The following PITPNC1 variants were observed in gnomAD, a reference collection of about 807,000 sequenced individuals.
PITPNC1 encodes cytoplasmic phosphatidylinositol transfer protein 1.
A neutral mutation model predicts 44.7 loss-of-function variants in PITPNC1; 18 were observed. The ratio of observed to expected loss-of-function variants is 0.40; its 90% CI spans 0.28 to 0.60. The LOEUF is 0.60. PITPNC1 is among the 20% of genes least tolerant of loss of function. The pLI, the probability that PITPNC1 is intolerant of heterozygous loss-of-function variation, is 0.39. For missense variants in PITPNC1, 290 were observed against 418.4 expected (o/e 0.69, Z 2.68); for synonymous variants, 141 against 149.6 (o/e 0.94, Z 0.42).
chr17:67,378,051 G>A lies in PITPNC1; in HGVS notation c.-104G>A. ...GGGGGCTGCTTCGCCCTCCGGCTCC[G>A]AGCGCCGGGCTCCGGGCGCCCTGCC... On this transcript the variant is annotated 5_prime_UTR_variant, in exon 1 of 9. Coordinates refer to ENST00000581322, the MANE Select transcript of PITPNC1 (RefSeq NM_012417.4). The A allele has an allele frequency of 1.6e-6, 1 of 619,038 alleles. No homozygotes were observed. Among genetic ancestry groups the A allele is most frequent in the South Asian group, 3.0e-5 (1 of 33,796 alleles). 38.3% of individuals were successfully genotyped at this position (619,038 alleles called of 1,614,324 possible).
intron 8 of PITPNC1, among the ~76,000 whole-genome samples, chr17:67,688,037 T>TAA (rs67788348): frequency 0.011 from 1,516 of 137,600 alleles, 13 homozygotes; most frequent in East Asian, 0.026. Context: ...TAGTAGGTGT[T>TAA]AAAAAAAAAA....
intron 1 of PITPNC1, among the ~76,000 whole-genome samples, chr17:67,505,755 G>T (rs1225598677): frequency 6.6e-6 from 1 of 152,136 alleles, no homozygotes; most frequent in South Asian, 2.1e-4. Context: ...GATTACAGAC[G>T]TGAGCCACCG....
chr17:67,635,223 C>T (rs970403438), intron 6 of PITPNC1, among the ~76,000 whole-genome samples: 3 of 152,116 alleles, frequency 2.0e-5, no homozygotes, highest in African/African-American at 4.8e-5. Flanking sequence ...TTTATATTGT[C>T]GGTTACTTAG....
chr17:67,593,712 CTTGATA>C (rs1373842768), intron 5 of PITPNC1, among the ~76,000 whole-genome samples: 1 of 152,052 alleles, frequency 6.6e-6, no homozygotes, highest in Non-Finnish European at 1.5e-5. Context: ...TTTTTATATT[CTTGATA>C]TTGATCTTTT....
chr17:67,379,295 A>AGGG (rs2037922162), intron 1 of PITPNC1: 6 of 985,238 alleles, frequency 6.1e-6, no homozygotes, highest in Non-Finnish European at 7.2e-6. Flanking sequence ...ACTTGGTGAG[A>AGGG]GGGGCGATGT....
chr17:67,575,326 C>T (rs559727290), intron 4 of PITPNC1, among the ~76,000 whole-genome samples: 3 of 152,132 alleles, frequency 2.0e-5, no homozygotes, highest in East Asian at 1.9e-4. Flanking sequence ...TACCTGAACC[C>T]GGATATAAGG....
rs559744735 is a variant in PITPNC1 at position 67,661,097 on chromosome 17, C to G, written c.463-8411C>G. Among the ~76,000 whole-genome samples the G allele has an allele frequency of 4.0e-5, 6 of 150,380 alleles. No individual in the cohort carries two copies. In the South Asian group the frequency reaches 8.5e-4, roughly 21 times the overall value. ...ATGTTGGCCAGGCTGGTCTCAAACT[C>G]CTGGCCTCCCAAAGTGCTGGGATTA... On this transcript the variant is annotated intron_variant, in intron 6 of 8. Transcript: ENST00000581322.
At chr17:67,497,756 G>A (rs1469816462) in intron 1 of PITPNC1, among the ~76,000 whole-genome samples, 3 of 151,714 alleles carry the variant, frequency 2.0e-5, no homozygotes, top group Non-Finnish European at 4.4e-5. Context: ...TTGAACTCCT[G>A]CACTCAAGCA....
intron 1 of PITPNC1, among the ~76,000 whole-genome samples, chr17:67,473,480 C>T (rs532171971): frequency 6.6e-6 from 1 of 152,148 alleles, no homozygotes; most frequent in African/African-American, 2.4e-5. Context: ...AGGCGCCCGC[C>T]ACTACATCCG....
chr17:67,587,324 C>CAAAA (rs530075213), intron 5 of PITPNC1, among the ~76,000 whole-genome samples: 2 of 103,170 alleles, frequency 1.9e-5, no homozygotes, highest in South Asian at 5.9e-4. Context: ...CCCATCTCTA[C>CAAAA]AAAAAAAAAA....
At chr17:67,565,874 G>T (rs183125934) in intron 4 of PITPNC1, among the ~76,000 whole-genome samples, 3 of 149,982 alleles carry the variant, frequency 2.0e-5, no homozygotes, top group Non-Finnish European at 4.4e-5. Flanking sequence ...ATGTTTTTTC[G>T]GTGTGTATAC....
intron 1 of PITPNC1, among the ~76,000 whole-genome samples, chr17:67,517,027 G>A (rs2040267894): frequency 6.6e-6 from 1 of 152,194 alleles, no homozygotes; most frequent in Non-Finnish European, 1.5e-5. Flanking sequence ...TCAATGCTGT[G>A]TAATTAGCAC....
chr17:67,650,534 T>A (rs1449204147), intron 6 of PITPNC1, among the ~76,000 whole-genome samples: 1 of 142,236 alleles, frequency 7.0e-6, no homozygotes, highest in Admixed American at 7.5e-5. Context: ...CTGCAACCTC[T>A]GCCTCTCGGG....
chr17:67,660,486 T>G lies in PITPNC1; in HGVS notation c.463-9022T>G, dbSNP rs146784920. On this transcript the variant is annotated intron_variant, in intron 6 of 8. Transcript: ENST00000581322. ...CGGGCCAGGCCCTATATTAGTCTTT[T>G]TCATGTATCATATATATTTTATTTT... 1.7e-4 allele frequency among the ~76,000 whole-genome samples: 26 copies of G among 151,994 alleles called. 1 individual carries two copies. The East Asian group carries it at 4.4e-3, about 26-fold the overall frequency.
Position 67,476,188 on chromosome 17 carries a change from C to CT in PITPNC1, c.49-56599dup, listed in dbSNP as rs10633927. 2.9e-3 allele frequency among the ~76,000 whole-genome samples: 401 copies of CT among 137,674 alleles called. 6 individuals carry two copies. The highest frequency in any genetic ancestry group is 0.012 in the Middle Eastern group (3 of 254). The allele number at this position is 137,674 out of a possible 152,430, so 90.3% of individuals were successfully genotyped here. A position where few individuals can be genotyped will look rare whatever the true frequency, so the allele number is the denominator to read the frequency against. On this transcript the variant is annotated intron_variant, in intron 1 of 8. Transcript: ENST00000581322. ...CCTAGAGACTAAATTTCTTTCTTTT[C>CT]TTTTTTTTTTTTTTTGAGATGGAGT...
intron 1 of PITPNC1, among the ~76,000 whole-genome samples, chr17:67,488,666 A>G (rs955024552): frequency 2.0e-5 from 3 of 152,208 alleles, no homozygotes; most frequent in Non-Finnish European, 4.4e-5. Flanking sequence ...TTGTACCAGT[A>G]TCACCACTAT....
At chr17:67,385,219 C>T (rs996510263) in intron 1 of PITPNC1, among the ~76,000 whole-genome samples, 6 of 152,030 alleles carry the variant, frequency 3.9e-5, no homozygotes, top group South Asian at 2.1e-4. Context: ...TTCTAAAATA[C>T]GCTAATCAGC....
intron 6 of PITPNC1, among the ~76,000 whole-genome samples, chr17:67,636,536 T>G (rs1052064995): frequency 1.6e-4 from 25 of 152,142 alleles, no homozygotes; most frequent in Admixed American, 3.9e-4. Flanking sequence ...TGCTGGCATC[T>G]GGAACAGGTG....
chr17:67,661,395 C>A (rs1047758871), intron 6 of PITPNC1, among the ~76,000 whole-genome samples: 8 of 152,018 alleles, frequency 5.3e-5, no homozygotes, highest in African/African-American at 1.9e-4. Context: ...TGTTCTACTC[C>A]ATTAGCAAAA....
Sources: gnomAD v4.1 joint callset for allele counts (sites outside exome capture counted in the v4.1 genomes callset) on GRCh38, gnomAD v4.1.1 for gene constraint, MANE v1.5 for transcripts, NCBI Gene and HGNC (gene_info 2026-07-23, HGNC 2026-07-21) for gene names.